The following GRIP1 variants were observed in gnomAD, a reference collection of about 807,000 sequenced individuals.
GRIP1 encodes the protein glutamate receptor interacting protein 1.
A neutral mutation model predicts 129.9 loss-of-function variants in GRIP1; 45 were observed. That is an observed-to-expected ratio of 0.35 (90% CI 0.27 to 0.44). The LOEUF is 0.44. Ranked by LOEUF, GRIP1 falls within the 20% of genes least tolerant of loss-of-function variation. The pLI is 1.00. For missense variants in GRIP1, 1,196 were observed against 1,396.8 expected (o/e 0.86, Z 2.29); for synonymous variants, 530 against 520.8 (o/e 1.02, Z -0.24).
chr12:67,008,472 A>G (rs2042659255), intron 1 of GRIP1, among the ~76,000 whole-genome samples: 1 of 152,198 alleles, frequency 6.6e-6, no homozygotes, highest in African/African-American at 2.4e-5. Context: ...CTCTCAAAAA[A>G]GAATGTTATT....
chr12:66,764,848 T>C (rs535248253), intron 1 of GRIP1, among the ~76,000 whole-genome samples: 2 of 152,324 alleles, frequency 1.3e-5, no homozygotes, highest in African/African-American at 4.8e-5. Flanking sequence ...GCAGCTTAAG[T>C]AGTCTGTAAA....
chr12:66,493,287 G>A (rs1011061895), intron 7 of GRIP1, among the ~76,000 whole-genome samples: 3 of 152,130 alleles, frequency 2.0e-5, no homozygotes, highest in Non-Finnish European at 2.9e-5. Flanking sequence ...ATTGAGTTTG[G>A]TAAGGAGATC....
At chr12:66,787,884 C>T (rs773121557) in intron 1 of GRIP1, among the ~76,000 whole-genome samples, 3 of 152,102 alleles carry the variant, frequency 2.0e-5, no homozygotes, top group Non-Finnish European at 2.9e-5. Flanking sequence ...CAGAAGGGTG[C>T]CGTGGGCCTT....
At chr12:66,976,586 A>G (rs2042155237) in intron 1 of GRIP1, among the ~76,000 whole-genome samples, 1 of 152,202 alleles carries the variant, frequency 6.6e-6, no homozygotes, top group African/African-American at 2.4e-5. Context: ...ATCATATCAT[A>G]TCACCTGGCA....
At chr12:66,927,625 A>G (rs1453982248) in intron 1 of GRIP1, among the ~76,000 whole-genome samples, 1 of 152,174 alleles carries the variant, frequency 6.6e-6, no homozygotes, top group Non-Finnish European at 1.5e-5. Flanking sequence ...TAAGGAACAA[A>G]TTAGGACTCA....
At chr12:66,658,188 A>G (rs2033279969) in intron 1 of GRIP1, among the ~76,000 whole-genome samples, 1 of 152,230 alleles carries the variant, frequency 6.6e-6, no homozygotes, top group Non-Finnish European at 1.5e-5. Context: ...ATAAAGACAA[A>G]AGAAATCAAT....
chr12:66,964,552 C>A (rs758132740), intron 1 of GRIP1, among the ~76,000 whole-genome samples: 29 of 152,140 alleles, frequency 1.9e-4, no homozygotes, highest in Non-Finnish European at 2.6e-4. Flanking sequence ...ACTTAAAGTT[C>A]TCTTCCCACT....
intron 1 of GRIP1, among the ~76,000 whole-genome samples, chr12:66,654,853 T>A (rs1240592630): frequency 1.3e-5 from 2 of 152,168 alleles, no homozygotes; most frequent in Non-Finnish European, 2.9e-5. Flanking sequence ...AGGGAAAATT[T>A]AAATATTGTA....
rs1592393820 is a variant in GRIP1 at position 66,477,111 on chromosome 12, T to C, written c.725-11689A>G. Among the ~76,000 whole-genome samples, 4 of 152,320 alleles carry C rather than the reference T, an allele frequency of 2.6e-5. No individual in the cohort carries two copies. In the South Asian group the frequency reaches 8.3e-4, roughly 32 times the overall value. On this transcript the variant is annotated intron_variant, in intron 7 of 24. Transcript: ENST00000359742. Reference sequence around the variant, plus strand: ...TTGTCCCTGTTTGCAGATGACATGATTGTATATTTAGAAAACCCCATCGTC... The same window carrying C: ...TTGTCCCTGTTTGCAGATGACATGACTGTATATTTAGAAAACCCCATCGTC...
At chr12:66,958,990 T>C (rs941004581) in intron 1 of GRIP1, among the ~76,000 whole-genome samples, 1 of 152,236 alleles carries the variant, frequency 6.6e-6, no homozygotes, top group Non-Finnish European at 1.5e-5. Context: ...GATAAAACTT[T>C]CTTTATAGTT....
chr12:66,731,180 A>C (rs2036425295), intron 1 of GRIP1, among the ~76,000 whole-genome samples: 1 of 152,186 alleles, frequency 6.6e-6, no homozygotes. Flanking sequence ...AGAAGAAAGA[A>C]ATAGGTTTCA....
intron 1 of GRIP1, among the ~76,000 whole-genome samples, chr12:66,622,829 C>T (rs1034580076): frequency 9.9e-5 from 15 of 152,252 alleles, no homozygotes; most frequent in African/African-American, 2.4e-4. Flanking sequence ...TCCCCTCTTT[C>T]GGGATGTTTC....
intron 1 of GRIP1, among the ~76,000 whole-genome samples, chr12:66,676,414 T>C (rs2034334559): frequency 6.6e-6 from 1 of 152,154 alleles, no homozygotes; most frequent in African/African-American, 2.4e-5. Flanking sequence ...CAAGGTAGTT[T>C]TGGAGTCATG....
chr12:67,064,187 T>C (rs769121426), intron 1 of GRIP1, among the ~76,000 whole-genome samples: 27 of 152,132 alleles, frequency 1.8e-4, no homozygotes, highest in Non-Finnish European at 2.5e-4. Flanking sequence ...TTGTCAAAAG[T>C]CCAAAATATA....
intron 2 of GRIP1, among the ~76,000 whole-genome samples, chr12:66,570,297 T>C (rs1460195247): frequency 6.6e-6 from 1 of 152,056 alleles, no homozygotes; most frequent in Non-Finnish European, 1.5e-5. Context: ...TTTAAAATTT[T>C]TGTACAGGTA....
intron 1 of GRIP1, among the ~76,000 whole-genome samples, chr12:66,842,428 T>C (rs1194816507): frequency 1.3e-5 from 2 of 152,184 alleles, no homozygotes; most frequent in Non-Finnish European, 2.9e-5. Flanking sequence ...TCCCAGCATC[T>C]CCACTCACTG....
At chr12:66,864,653 G>C (rs1311005130) in intron 1 of GRIP1, among the ~76,000 whole-genome samples, 3 of 152,128 alleles carry the variant, frequency 2.0e-5, no homozygotes, top group Non-Finnish European at 4.4e-5. Flanking sequence ...AGTAGCTCAA[G>C]GTTGCAGTGA....
chr12:66,646,127 T>C (rs2032345425), intron 1 of GRIP1, among the ~76,000 whole-genome samples: 1 of 152,236 alleles, frequency 6.6e-6, no homozygotes, highest in Non-Finnish European at 1.5e-5. Context: ...AAAGGTACGT[T>C]AAGTTTTCAG....
At chr12:67,063,245 T>C (rs1292575577) in intron 1 of GRIP1, among the ~76,000 whole-genome samples, 1 of 152,228 alleles carries the variant, frequency 6.6e-6, no homozygotes, top group Non-Finnish European at 1.5e-5. Flanking sequence ...GGAATCTATC[T>C]AGTACACAGA....
Sources: allele counts gnomAD v4.1 joint callset (sites outside exome capture counted in the v4.1 genomes callset), GRCh38; gene constraint gnomAD v4.1.1; transcripts MANE v1.5; gene names NCBI Gene and HGNC (gene_info 2026-07-23, HGNC 2026-07-21).